The following CSNK2A2IP variants were observed in gnomAD, a reference collection of about 807,000 sequenced individuals.
CSNK2A2IP encodes casein kinase 2 subunit alpha' interacting protein.
chr3:88,385,816 T>A, the CSNK2A2IP span, among the ~76,000 whole-genome samples: 4 of 152,262 alleles, frequency 2.6e-5, no homozygotes, highest in Non-Finnish European at 2.9e-5. Context: ...TATAAGGTGA[T>A]TTTTTTAAGA....
chr3:88,435,359 A>G, the CSNK2A2IP span, among the ~76,000 whole-genome samples: 2 of 152,146 alleles, frequency 1.3e-5, no homozygotes, highest in Non-Finnish European at 2.9e-5. Context: ...AAATATGAGA[A>G]GAAGTTCACT....
At chr3:88,451,427 T>G in the CSNK2A2IP span, among the ~76,000 whole-genome samples, 2 of 13,520 alleles carry the variant, frequency 1.5e-4, no homozygotes, top group Admixed American at 1.4e-3. Flanking sequence ...AAAATCAGGG[T>G]TTTTTTTTTT....
the CSNK2A2IP span, among the ~76,000 whole-genome samples, chr3:88,346,789 C>T: frequency 2.0e-5 from 3 of 151,988 alleles, no homozygotes; most frequent in Admixed American, 6.6e-5. Flanking sequence ...AGCCTGCTTA[C>T]ACAACATCCA....
chr3:88,379,415 G>A, the CSNK2A2IP span, among the ~76,000 whole-genome samples: 4,605 of 152,114 alleles, frequency 0.03, 238 homozygotes, highest in African/African-American at 0.1. Context: ...TTTTCTACAG[G>A]CATTCTCTGT....
the CSNK2A2IP span, chr3:88,466,267 G>A: frequency 8.1e-7 from 1 of 1,231,680 alleles, no homozygotes; most frequent in Non-Finnish European, 1.0e-6. Context: ...AAGGCAATCA[G>A]CATCATCATA....
chr3:88,443,497 C>T, the CSNK2A2IP span, among the ~76,000 whole-genome samples: 1 of 152,100 alleles, frequency 6.6e-6, no homozygotes, highest in African/African-American at 2.4e-5. Context: ...TAGAGGATGA[C>T]TGAAAACAGA....
chr3:88,453,761 T>C, the CSNK2A2IP span, among the ~76,000 whole-genome samples: 11 of 152,042 alleles, frequency 7.2e-5, no homozygotes, highest in African/African-American at 2.7e-4. Context: ...TCCCAGACAC[T>C]TGACTGCAGA....
At chr3:88,442,938 T>C in the CSNK2A2IP span, among the ~76,000 whole-genome samples, 1 of 152,074 alleles carries the variant, frequency 6.6e-6, no homozygotes, top group African/African-American at 2.4e-5. Flanking sequence ...CATTGTAATT[T>C]TTTACAATAT....
At chr3:88,408,918 T>G in the CSNK2A2IP span, among the ~76,000 whole-genome samples, 1 of 151,958 alleles carries the variant, frequency 6.6e-6, no homozygotes, top group Non-Finnish European at 1.5e-5. Context: ...TCCTTGAAAT[T>G]TAATCAAAAT....
chr3:88,460,748 G>A, the CSNK2A2IP span, among the ~76,000 whole-genome samples: 1 of 152,090 alleles, frequency 6.6e-6, no homozygotes, highest in Non-Finnish European at 1.5e-5. Flanking sequence ...TTATTATCCT[G>A]ACTATAAAAT....
the CSNK2A2IP span, among the ~76,000 whole-genome samples, chr3:88,401,332 A>G: frequency 6.6e-6 from 1 of 152,150 alleles, no homozygotes; most frequent in African/African-American, 2.4e-5. Flanking sequence ...TTATTTAGAT[A>G]AAATTATGAC....
the CSNK2A2IP span, chr3:88,467,090 C>A: frequency 7.5e-6 from 5 of 664,996 alleles, no homozygotes; most frequent in Non-Finnish European, 1.1e-5. Flanking sequence ...ATATGGTGGG[C>A]GGTAGCCCCC....
the CSNK2A2IP span, among the ~76,000 whole-genome samples, chr3:88,447,937 C>A: frequency 6.6e-6 from 1 of 152,120 alleles, no homozygotes; most frequent in African/African-American, 2.4e-5. Context: ...AGTAGATAGG[C>A]TAAAATAGTG....
chr3:88,402,651 CATAAA>C, the CSNK2A2IP span, among the ~76,000 whole-genome samples: 53,807 of 151,172 alleles, frequency 0.36, 12,085 homozygotes, highest in South Asian at 0.54. Flanking sequence ...AATTTGGAAA[CATAAA>C]ATAATATATG....
the CSNK2A2IP span, among the ~76,000 whole-genome samples, chr3:88,448,155 G>A: frequency 6.6e-6 from 1 of 152,190 alleles, no homozygotes; most frequent in Non-Finnish European, 1.5e-5. Flanking sequence ...TAATTGGATA[G>A]GATGGAAGCA....
the CSNK2A2IP span, among the ~76,000 whole-genome samples, chr3:88,354,628 A>T: frequency 6.6e-6 from 1 of 152,200 alleles, no homozygotes; most frequent in Non-Finnish European, 1.5e-5. Context: ...CCTGTCCACC[A>T]TGGCTTGGAA....
At chr3:88,420,597 T>G in the CSNK2A2IP span, among the ~76,000 whole-genome samples, 2 of 152,188 alleles carry the variant, frequency 1.3e-5, no homozygotes, top group Non-Finnish European at 2.9e-5. Context: ...TAAAAATGTT[T>G]AATCGGCAGT....
At chr3:88,418,806 TGTCTGGTACTG>T in the CSNK2A2IP span, among the ~76,000 whole-genome samples, 2 of 152,146 alleles carry the variant, frequency 1.3e-5, no homozygotes, top group Admixed American at 1.3e-4. Context: ...CCTAGGCCAC[TGTCTGGTACTG>T]GTCTGTGGCC....
chr3:88,419,866 A>G, the CSNK2A2IP span, among the ~76,000 whole-genome samples: 1 of 152,202 alleles, frequency 6.6e-6, no homozygotes. Context: ...GTGTCAAGCC[A>G]GTCCTTTGAA....
Sources: allele counts gnomAD v4.1 joint callset (sites outside exome capture counted in the v4.1 genomes callset), GRCh38; gene constraint gnomAD v4.1.1; transcripts MANE v1.5; gene names NCBI Gene and HGNC (gene_info 2026-07-23, HGNC 2026-07-21).